The following NUP188 variants were observed in gnomAD, a reference collection of about 807,000 sequenced individuals.
NUP188 encodes the protein nucleoporin NUP188.
Under a neutral mutation model 223.0 loss-of-function variants are expected in NUP188, and 97 were observed. The observed-to-expected ratio is 0.43, with a 90% CI of 0.37 to 0.51. The LOEUF (loss-of-function observed/expected upper bound fraction) is 0.51, where lower values mean the gene tolerates loss of function less well. Ranked by LOEUF, NUP188 falls within the 20% of genes least tolerant of loss-of-function variation. The pLI, the probability that NUP188 is intolerant of heterozygous loss-of-function variation, is 0.00. For missense variants in NUP188, 1,947 were observed against 2,175.6 expected (o/e 0.89, Z 2.09); for synonymous variants, 869 against 828.0 (o/e 1.05, Z -0.85).
chr9:128,951,222 C>G (rs1022205352), intron 2 of NUP188, among the ~76,000 whole-genome samples: 4 of 149,730 alleles, frequency 2.7e-5, no homozygotes, highest in African/African-American at 4.9e-5. Flanking sequence ...GCAGGAGATT[C>G]GCTTGAACCC....
intron 31 of NUP188, 46 bp from the exon 32 acceptor site, chr9:128,998,492 G>A (rs1842570438): frequency 2.0e-6 from 3 of 1,528,786 alleles, no homozygotes; most frequent in Non-Finnish European, 2.7e-6. Context: ...TGGATGGCAT[G>A]CGAATCTTTC....
intron 24 of NUP188, among the ~76,000 whole-genome samples, chr9:128,988,398 A>G (rs1842368560): frequency 6.6e-6 from 1 of 152,234 alleles, no homozygotes; most frequent in Admixed American, 6.5e-5. Flanking sequence ...TGATAGAATA[A>G]TAGTTAAGAA....
At chr9:128,975,157 T>TTTC (rs1274367273) in intron 12 of NUP188, among the ~76,000 whole-genome samples, 2 of 152,042 alleles carry the variant, frequency 1.3e-5, no homozygotes, top group East Asian at 3.8e-4. Flanking sequence ...GCTCTGTTGC[T>TTTC]TTCTTGTCTT....
In NUP188 at chr9:128,952,798, A is replaced by C. The variant is rs751892749; in HGVS notation, c.113A>C (p.Lys38Thr). ...ELSQIEAELN[K>T]HWRRLLEGLS... ...AGTCAGATTGAGGCAGAACTGAATA[A>C]ACATTGGCGGCGATTGTTAGAGGGG... is the stretch of plus-strand genomic sequence containing the variant. Residue 38 changes from lysine to threonine, a missense_variant, in exon 3 of 44, where the codon AAA becomes ACA. By Grantham distance (78) the Lys-to-Thr change is moderately conservative. This residue lies in a region of NUP188 where 817 missense variants were observed against 865.8 expected (regional missense o/e 0.94). Coordinates refer to ENST00000372577, the MANE Select transcript of NUP188 (RefSeq NM_015354.3). The C allele has an allele frequency of 6.2e-7, 1 of 1,613,784 alleles. No homozygotes were observed.
intron 11 of NUP188, 49 bp from the exon 12 acceptor site, chr9:128,973,111 G>T: frequency 8.4e-7 from 1 of 1,189,258 alleles, no homozygotes; most frequent in South Asian, 1.3e-5. Context: ...CGAACCTGGG[G>T]AAGAGTTGTA....
At chr9:128,947,830 G>A (rs1841708847) in intron 1 of NUP188, 79 bp downstream of exon 1, 18 of 1,286,462 alleles carry the variant, frequency 1.4e-5, no homozygotes, top group Non-Finnish European at 1.7e-5. Flanking sequence ...GGGAATTGGA[G>A]GCGGGATGTG....
At chr9:128,990,296 A>G in intron 25 of NUP188, 70 bp downstream of exon 25, 1 of 1,223,360 alleles carries the variant, frequency 8.2e-7, no homozygotes, top group Non-Finnish European at 1.2e-6. Flanking sequence ...TACAAAAGAC[A>G]TGCTCAGGCC....
intron 31 of NUP188, 140 bp downstream of exon 31, chr9:128,998,368 T>A: frequency 1.0e-6 from 1 of 992,830 alleles, no homozygotes; most frequent in Non-Finnish European, 1.6e-6. Flanking sequence ...CCTGAGACTG[T>A]AGTGGGTCAG....
rs1343062785 is a variant in NUP188, at chr9:129,001,690, C to A, written c.4005C>A (p.Ala1335=). The A allele has an allele frequency of 1.2e-6, 2 of 1,613,986 alleles. No individual in the cohort carries two copies. Among genetic ancestry groups the A allele is most frequent in the Non-Finnish European group, 1.7e-6 (2 of 1,179,978 alleles). Residue 1335 remains alanine (A), a synonymous_variant, in exon 35 of 44, where the codon GCC becomes GCA. Coordinates refer to ENST00000372577, the MANE Select transcript of NUP188 (RefSeq NM_015354.3). ...AGCAGAACCTGCATTTCACTGAGGCCACATTGCATCTGCTCCTCACCCTGG... is the reference window on the plus strand; with the variant it reads ...AGCAGAACCTGCATTTCACTGAGGCAACATTGCATCTGCTCCTCACCCTGG... ...RMKQNLHFTE[A]TLHLLLTLAR...
Position 128,995,651 on chromosome 9 carries a change from T to C in NUP188, c.3351+137T>C, listed in dbSNP as rs559998931. 13 of 743,172 alleles carry C rather than the reference T, an allele frequency of 1.7e-5. No individual in the cohort carries two copies. The South Asian group carries it at 2.2e-4, about 13-fold the overall frequency. The allele number at this position is 743,172 out of a possible 1,614,324, so 46.0% of individuals were successfully genotyped here. On this transcript the variant is annotated intron_variant, in intron 30 of 43. Coordinates refer to ENST00000372577, the MANE Select transcript of NUP188 (RefSeq NM_015354.3). ...GAGAGCTAAACTGTAATAGGTTCTA[T>C]GCTGAGAGATTGGGACTGTGGGGTA...
chr9:128,975,235 T>C (rs571619441), intron 12 of NUP188, among the ~76,000 whole-genome samples: 4 of 149,020 alleles, frequency 2.7e-5, no homozygotes, highest in African/African-American at 9.9e-5. Flanking sequence ...CCTTTTTTTT[T>C]TTTTTTTTGA....
chr9:128,987,647 C>G lies in NUP188; in HGVS notation c.2323C>G (p.Gln775Glu). The G allele has an allele frequency of 6.2e-7, 1 of 1,614,082 alleles. No homozygotes were observed. Among genetic ancestry groups the G allele is most frequent in the Non-Finnish European group, 8.5e-7 (1 of 1,179,978 alleles). ...CAGCCTGGCATACACAGAAGCAGGACAGACAGTTATCAATATCATGGGCAT... is the reference window on the plus strand; with the variant it reads ...CAGCCTGGCATACACAGAAGCAGGAGAGACAGTTATCAATATCATGGGCAT... ...ICSLAYTEAG[Q>E]TVINIMGIGV... is the part of the protein sequence containing the mutation. Residue 775 changes from glutamine (Q) to glutamate (E), a missense_variant, in exon 23 of 44, where the codon CAG becomes GAG. Physicochemically the swap from Gln to Glu is conservative, Grantham distance 29. Transcript: ENST00000372577.
chr9:128,986,710 G>C lies in NUP188; in HGVS notation c.2197+32G>C, dbSNP rs146798157. The C allele has an allele frequency of 2.8e-4, 453 of 1,614,016 alleles. No individual in the cohort carries two copies. The African/African-American group carries it at 5.2e-3, about 18-fold the overall frequency. ...ACAGCATGGGCAGGGAAGACCTGGGGATTTCTGGCCCCACTGGAGAGCTTT... is the reference window on the plus strand; with the variant it reads ...ACAGCATGGGCAGGGAAGACCTGGGCATTTCTGGCCCCACTGGAGAGCTTT... On this transcript the variant is annotated intron_variant, in intron 21 of 43. Transcript: ENST00000372577.
intron 20 of NUP188, among the ~76,000 whole-genome samples, 176 bp from the exon 21 acceptor site, chr9:128,986,382 C>T (rs1006245305): frequency 6.6e-6 from 1 of 152,092 alleles, no homozygotes; most frequent in Non-Finnish European, 1.5e-5. Context: ...TAGAAAAGAC[C>T]CACAACTTGG....
chr9:129,005,421 A>G lies in NUP188; in HGVS notation c.4628A>G (p.Glu1543Gly). The stretch of plus-strand genomic sequence containing the variant: ...CCCGCTGCTGACACAGAGGCATCAG[A>G]GCAGCAGGCCTTGCACACAGTCCAG... ...KQPAADTEAS[E>G]QQALHTVQYG... Residue 1543 changes from glutamate (E) to glycine (G), a missense_variant, in exon 40 of 44, where the codon GAG becomes GGG. Physicochemically the swap from Glu to Gly is moderately conservative, Grantham distance 98. This residue lies in a region of NUP188 where 905 missense variants were observed against 990.6 expected (regional missense o/e 0.91). Transcript: ENST00000372577. 1 of 1,610,506 alleles carries G rather than the reference A, an allele frequency of 6.2e-7. No individual in the cohort carries two copies. The highest frequency in any genetic ancestry group is 8.5e-7 in the Non-Finnish European group (1 of 1,180,004).
chr9:128,983,414 G>T, intron 18 of NUP188, 34 bp downstream of exon 18: 1 of 1,612,028 alleles, frequency 6.2e-7, no homozygotes, highest in South Asian at 1.1e-5. Context: ...AGCCAAAAAT[G>T]TAGCACTTGG....
intron 34 of NUP188, among the ~76,000 whole-genome samples, chr9:129,000,540 G>A (rs1052525147): frequency 2.7e-4 from 40 of 150,738 alleles, no homozygotes; most frequent in African/African-American, 9.3e-4. Flanking sequence ...GGATGGCCTC[G>A]ATCTCCTGAC....
At chr9:129,004,522 T>A (rs895413467) in intron 38 of NUP188, 4 of 152,266 alleles carry the variant, frequency 2.6e-5, no homozygotes, top group African/African-American at 7.2e-5. Flanking sequence ...TTATTTATTT[T>A]GAGACAGAGT....
chr9:128,982,867 T>C (rs755772513), intron 16 of NUP188, 35 bp from the exon 17 acceptor site: 3 of 1,613,258 alleles, frequency 1.9e-6, no homozygotes, highest in Non-Finnish European at 2.5e-6. Context: ...AAAGGGGTTG[T>C]TTGCCGTGAG....
Sources: gnomAD v4.1 joint callset for allele counts (sites outside exome capture counted in the v4.1 genomes callset) on GRCh38, gnomAD v4.1.1 for gene constraint, gnomAD v4.1.1 regional missense constraint, MANE v1.5 for transcripts, NCBI Gene and HGNC (gene_info 2026-07-23, HGNC 2026-07-21) for gene names.